The following AKNAD1 variants were observed in gnomAD, a reference collection of about 807,000 sequenced individuals.
AKNAD1 encodes the protein AKNA domain containing 1.
A neutral mutation model predicts 90.8 loss-of-function variants in AKNAD1; 67 were observed. That is an observed-to-expected ratio of 0.74 (90% confidence interval 0.61 to 0.90). The LOEUF (loss-of-function observed/expected upper bound fraction) is 0.90, where lower values mean the gene tolerates loss of function less well. Ranked by LOEUF, AKNAD1 falls within the 40% of genes least tolerant of loss-of-function variation. The probability of loss-of-function intolerance (pLI) is 0.00; values close to 1 mark genes in which losing one functional copy is unlikely to be tolerated. For synonymous variants in AKNAD1, 327 were observed against 341.4 expected, an observed-to-expected ratio of 0.96 and a Z score of 0.46; for missense variants, 957 against 975.4, an observed-to-expected ratio of 0.98 and a Z score of 0.25.
In AKNAD1 at chr1:108,816,134, T is replaced by C. The variant is rs1227737897; in HGVS notation, c.*37A>G. The C allele has an allele frequency of 1.4e-6, 2 of 1,446,558 alleles. No homozygotes were observed. Among genetic ancestry groups the C allele is most frequent in the Non-Finnish European group, 1.8e-6 (2 of 1,099,096 alleles). The allele number at this position is 1,446,558 out of a possible 1,614,324, so 89.6% of individuals were successfully genotyped here. A position where few individuals can be genotyped will look rare whatever the true frequency, so the allele number is the denominator to read the frequency against. The stretch of plus-strand genomic sequence containing the variant: ...GGGGGAAGATCAAGTTTTCTTTGCA[T>C]TTTTTTCTTTTGAATCCTTGGTAGC... On this transcript the variant is annotated 3_prime_UTR_variant, in exon 16 of 16. Coordinates refer to ENST00000370001, the MANE Select transcript of AKNAD1 (RefSeq NM_152763.5).
In AKNAD1 at chr1:108,815,997, CCTTT is replaced by C; in HGVS notation, c.*170_*173del. 2.1e-6 allele frequency: 1 copy of C among 472,032 alleles called. No homozygotes were observed. The highest frequency in any genetic ancestry group is 3.7e-5 in the East Asian group (1 of 26,924). 29.2% of individuals were successfully genotyped at this position (472,032 alleles called of 1,614,324 possible). On this transcript the variant is annotated 3_prime_UTR_variant, in exon 16 of 16. Coordinates refer to ENST00000370001, the MANE Select transcript of AKNAD1 (RefSeq NM_152763.5). ...GCTTTTGATTTTAAGAATCAGAAGT[CCTTT>C]CTTTTTTCTTTTTCCTTTAAGTACT... is the stretch of plus-strand genomic sequence containing the variant.
chr1:108,816,358 CT>C, intron 15 of AKNAD1, 56 bp from the exon 16 acceptor site: 1 of 1,537,566 alleles, frequency 6.5e-7, no homozygotes, highest in Admixed American at 1.9e-5. Flanking sequence ...TGTTTCTGTT[CT>C]TTGGGTTCTC....
rs1032747327 is a variant in AKNAD1, at chr1:108,823,827, G to C, written c.1937-139C>G. ...CTTAATGTCCCGGCTGTGTCACCAA[G>C]AGGAGTTGCCAGCCTGGGGTAACAT... is the stretch of plus-strand genomic sequence containing the variant. On this transcript the variant is annotated intron_variant, in intron 11 of 15. Coordinates refer to ENST00000370001, the MANE Select transcript of AKNAD1 (RefSeq NM_152763.5). 4 of 1,332,972 alleles carry C rather than the reference G, an allele frequency of 3.0e-6. No homozygotes were observed. In the African/African-American group the frequency reaches 4.4e-5, roughly 15 times the overall value. 82.6% of individuals were successfully genotyped at this position (1,332,972 alleles called of 1,614,324 possible).
At position 108,834,919 on chromosome 1, in the gene AKNAD1, T is replaced by G; in HGVS notation, c.1664+10A>C. The stretch of plus-strand genomic sequence containing the variant: ...CCTGTGTCTGCTGGGGCTCCAGGGC[T>G]AGGACTCACGTCTGCGGGGCCAGCT... On this transcript the variant is annotated intron_variant, in intron 8 of 15. Coordinates refer to ENST00000370001, the MANE Select transcript of AKNAD1 (RefSeq NM_152763.5). 6.5e-7 allele frequency: 1 copy of G among 1,527,148 alleles called. No individual in the cohort carries two copies. The highest frequency in any genetic ancestry group is 8.7e-7 in the Non-Finnish European group (1 of 1,146,068). 94.6% of individuals were successfully genotyped at this position (1,527,148 alleles called of 1,614,324 possible). A position where few individuals can be genotyped will look rare whatever the true frequency, so the allele number is the denominator to read the frequency against.
intron 14 of AKNAD1, 68 bp from the exon 15 acceptor site, chr1:108,817,245 G>A: frequency 1.3e-6 from 2 of 1,591,486 alleles, no homozygotes; most frequent in South Asian, 2.3e-5. Flanking sequence ...GTTCACGTCA[G>A]CTCTGTGGTA....
Position 108,834,932 on chromosome 1 carries a change from T to G in AKNAD1, c.1661A>C (p.Gln554Pro). The G allele has an allele frequency of 6.5e-7, 1 of 1,535,448 alleles. No homozygotes were observed. The highest frequency in any genetic ancestry group is 8.7e-7 in the Non-Finnish European group (1 of 1,150,760). ...GGGCTCCAGGGCTAGGACTCACGTCTGCGGGGCCAGCTCACAGAGCTCCTC... is the reference window on the plus strand; with the variant it reads ...GGGCTCCAGGGCTAGGACTCACGTCGGCGGGGCCAGCTCACAGAGCTCCTC... ...PNEELCELAP[Q>P]TYLNGHYGDA... Residue 554 changes from glutamine to proline, a missense_variant, in exon 8 of 16, where the codon CAG becomes CCG. By Grantham distance (76) the Gln-to-Pro change is moderately conservative. Transcript: ENST00000370001.
intron 1 of AKNAD1, among the ~76,000 whole-genome samples, chr1:108,853,884 C>T (rs921395211): frequency 9.9e-5 from 15 of 151,694 alleles, no homozygotes; most frequent in African/African-American, 1.7e-4. Flanking sequence ...TGCAGTGAGC[C>T]GAGATCAAGC....
chr1:108,853,386 C>T (rs1057138800), intron 1 of AKNAD1, among the ~76,000 whole-genome samples: 1 of 151,872 alleles, frequency 6.6e-6, no homozygotes, highest in Non-Finnish European at 1.5e-5. Flanking sequence ...CCGCCTTGGC[C>T]TCCCAAAGTG....
At chr1:108,830,312 G>A (rs1664145017) in intron 10 of AKNAD1, among the ~76,000 whole-genome samples, 1 of 152,226 alleles carries the variant, frequency 6.6e-6, no homozygotes. Flanking sequence ...TGAGACAGTA[G>A]GTGGGATGGA....
rs547422366 is a variant in AKNAD1 at position 108,817,125 on chromosome 1, G to C, written c.2302C>G (p.Pro768Ala). 3 of 1,614,128 alleles carry C rather than the reference G, an allele frequency of 1.9e-6. No homozygotes were observed. The South Asian group carries it at 3.3e-5, about 18-fold the overall frequency. ...TYSSDPATPS[P>A]HFYSCRISGS... is the part of the protein sequence containing the mutation. ...GAAATCCTGCAGGAGTAGAAATGGG[G>C]TGAGGGTGTTGCAGGGTCTGAGCTG... is the stretch of plus-strand genomic sequence containing the variant. The change falls in exon 15 of 16, where the codon CCC (proline) becomes GCC (alanine). Residue 768 changes from proline to alanine, a missense_variant. Pro to Ala is a conservative substitution (Grantham distance 27). Coordinates refer to ENST00000370001, the MANE Select transcript of AKNAD1 (RefSeq NM_152763.5).
chr1:108,840,550 G>T (rs1449764341), intron 6 of AKNAD1, among the ~76,000 whole-genome samples: 7 of 152,120 alleles, frequency 4.6e-5, no homozygotes, highest in Non-Finnish European at 1.0e-4. Flanking sequence ...TAACATGAGT[G>T]TATAAGAATA....
At chr1:108,834,386 G>T in intron 9 of AKNAD1, 61 bp downstream of exon 9, 2 of 1,393,648 alleles carry the variant, frequency 1.4e-6, no homozygotes, top group Non-Finnish European at 9.9e-7. Context: ...AGCAACACTG[G>T]TTTTAGTTAA....
chr1:108,841,716 G>A (rs1395719157), intron 6 of AKNAD1, among the ~76,000 whole-genome samples: 5 of 152,148 alleles, frequency 3.3e-5, no homozygotes, highest in Non-Finnish European at 5.9e-5. Flanking sequence ...AAGAACCCAA[G>A]GGTTGTATGG....
At chr1:108,846,437 G>A (rs902921682) in intron 5 of AKNAD1, among the ~76,000 whole-genome samples, 9 of 152,130 alleles carry the variant, frequency 5.9e-5, no homozygotes, top group Non-Finnish European at 1.0e-4. Flanking sequence ...GCTTTCTGGA[G>A]ATCTTGCTTA....
Position 108,834,448 on chromosome 1 carries a change from C to A in AKNAD1, c.1745G>T (p.Gly582Val), listed in dbSNP as rs12060255. 186,823 of 1,606,072 alleles carry A rather than the reference C, an allele frequency of 0.12. 11,547 individuals are homozygous for A. Among genetic ancestry groups the A allele is most frequent in the African/African-American group, 0.19 (14,283 of 74,762 alleles). The change falls in exon 9 of 16, where the codon GGG (glycine) becomes GTG (valine). Residue 582 changes from glycine (G) to valine (V), a missense_variant and splice_region_variant. Gly to Val is a moderately radical substitution (Grantham distance 109, BLOSUM62 -3). Transcript: ENST00000370001. ...CAGGCCCCGGCTGCAGGACATTACC[C>A]CAGAGTTAGAAGACAGCCTCATGGC... ...QVAMRLSSNSGEDPNGTPRRQ... is the reference protein window; with the variant it reads ...QVAMRLSSNSVEDPNGTPRRQ...
In AKNAD1 at chr1:108,834,477, T is replaced by G; in HGVS notation, c.1716A>C (p.Gln572His). Residue 572 changes from glutamine to histidine, a missense_variant, in exon 9 of 16, where the codon CAA becomes CAC. Transcript: ENST00000370001. The stretch of plus-strand genomic sequence containing the variant: ...AGTTAGAAGACAGCCTCATGGCCAC[T>G]TGGTCTGGCTTGTTCTGGGCAGCTG... ...GDAAAQNKPD[Q>H]VAMRLSSNSG... 6.2e-7 allele frequency: 1 copy of G among 1,611,158 alleles called. No homozygotes were observed. Among genetic ancestry groups the G allele is most frequent in the East Asian group, 2.2e-5 (1 of 44,864 alleles).
At chr1:108,847,114 A>T (rs368093329) in intron 5 of AKNAD1, among the ~76,000 whole-genome samples, 42 of 152,132 alleles carry the variant, frequency 2.8e-4, no homozygotes, top group East Asian at 2.5e-3. Context: ...CTGTGCCTTC[A>T]GCCTTGCCCC....
intron 14 of AKNAD1, among the ~76,000 whole-genome samples, chr1:108,818,963 CAA>C (rs56396425): frequency 5.0e-5 from 5 of 99,836 alleles, no homozygotes; most frequent in Non-Finnish European, 7.9e-5. Context: ...AACTCCATCT[CAA>C]AAAAAAAAAA....
At position 108,821,494 on chromosome 1, in the gene AKNAD1, C is replaced by T. The variant is rs145253205; in HGVS notation, c.2168-868G>A. Among the ~76,000 whole-genome samples, 105 of 152,114 alleles carry T rather than the reference C, an allele frequency of 6.9e-4. 2 individuals carry two copies. The East Asian group carries it at 0.019, about 27-fold the overall frequency. On this transcript the variant is annotated intron_variant, in intron 13 of 15. Transcript: ENST00000370001. ...AAAGGTTTTATTAGCAGATAGAAAC[C>T]AGGAGTTTAGGTTCCCTGGGTGCTT...
Sources: allele counts gnomAD v4.1 joint callset (sites outside exome capture counted in the v4.1 genomes callset), GRCh38; gene constraint gnomAD v4.1.1; transcripts MANE v1.5; gene names NCBI Gene and HGNC (gene_info 2026-07-23, HGNC 2026-07-21).